Variants in XIRP2 observed in about 807,000 individuals in gnomAD.
XIRP2 encodes the protein xin actin binding repeat containing 2, also known as xin actin-binding repeat-containing protein 2.
A neutral mutation model predicts 277.0 loss-of-function variants in XIRP2; 236 were observed. That is an observed-to-expected ratio of 0.85 (90% CI 0.77 to 0.95). The LOEUF is 0.95. XIRP2 is among the 40% of genes least tolerant of loss of function. The pLI is 0.00. For synonymous variants in XIRP2, 1,490 were observed against 1,416.5 expected, an observed-to-expected ratio of 1.05 and a Z score of -1.17; for missense variants, 4,640 against 4,157.5, an observed-to-expected ratio of 1.12 and a Z score of -3.19.
At chr2:167,239,244 C>T (rs1163497908) in intron 5 of XIRP2, among the ~76,000 whole-genome samples, 1 of 152,046 alleles carries the variant, frequency 6.6e-6, no homozygotes, top group Non-Finnish European at 1.5e-5. Flanking sequence ...GGTAATACAT[C>T]ATTAACATTT....
chr2:167,086,062 A>G (rs2105268522), intron 2 of XIRP2, among the ~76,000 whole-genome samples: 1 of 151,728 alleles, frequency 6.6e-6, no homozygotes, highest in East Asian at 2.0e-4. Context: ...TTTTGGCATG[A>G]TTTTGCAGCA....
intron 2 of XIRP2, among the ~76,000 whole-genome samples, chr2:166,940,775 G>A (rs1685684120): frequency 6.6e-6 from 1 of 152,186 alleles, no homozygotes; most frequent in South Asian, 2.1e-4. Context: ...TTGCTGAACA[G>A]CAAATGTTGC....
intron 1 of XIRP2, among the ~76,000 whole-genome samples, chr2:166,902,465 C>A (rs192553622): frequency 4.6e-5 from 7 of 152,114 alleles, no homozygotes; most frequent in Non-Finnish European, 1.0e-4. Context: ...GTTTACCAGA[C>A]CCACTGTGCT....
chr2:167,019,811 G>T (rs1042711812), intron 2 of XIRP2, among the ~76,000 whole-genome samples: 1 of 151,994 alleles, frequency 6.6e-6, no homozygotes, highest in African/African-American at 2.4e-5. Context: ...AATTCCTCAA[G>T]TTGTTACACT....
intron 3 of XIRP2, among the ~76,000 whole-genome samples, chr2:167,143,795 A>C (rs1048421745): frequency 3.7e-4 from 57 of 152,120 alleles, no homozygotes; most frequent in Non-Finnish European, 6.5e-4. Flanking sequence ...TAAAAAAAAA[A>C]CCACAATATT....
Position 167,130,093 on chromosome 2 carries a change from A to AC in XIRP2, c.409-5814dup, listed in dbSNP as rs567899701. On this transcript the variant is annotated intron_variant, in intron 2 of 10. Transcript: ENST00000409195. ...ATCAGCAATGACTTCTCTACCCTCC[A>AC]CCTCTTCTCCAAATACTTCTGTCAC... Among the ~76,000 whole-genome samples the AC allele has an allele frequency of 5.2e-4, 79 of 151,706 alleles. 1 individual carries two copies. The highest frequency in any genetic ancestry group is 1.1e-3 in the Admixed American group (16 of 15,202).
chr2:167,102,238 C>A (rs910413436), intron 2 of XIRP2, among the ~76,000 whole-genome samples: 1 of 152,068 alleles, frequency 6.6e-6, no homozygotes, highest in Admixed American at 6.6e-5. Flanking sequence ...AATCAGAGAC[C>A]AGGAGGCGCA....
At chr2:167,181,372 GT>G (rs1693003973) in intron 3 of XIRP2, among the ~76,000 whole-genome samples, 1 of 152,086 alleles carries the variant, frequency 6.6e-6, no homozygotes. Flanking sequence ...TGTGATTCAC[GT>G]TTGTTGCTCA....
chr2:167,087,618 A>C (rs1689999491), intron 2 of XIRP2, among the ~76,000 whole-genome samples: 1 of 152,122 alleles, frequency 6.6e-6, no homozygotes, highest in Non-Finnish European at 1.5e-5. Flanking sequence ...GGACCCTCCG[A>C]GCCAGGTGCG....
intron 3 of XIRP2, among the ~76,000 whole-genome samples, chr2:167,207,564 A>G (rs563836057): frequency 6.6e-6 from 1 of 152,316 alleles, no homozygotes; most frequent in African/African-American, 2.4e-5. Flanking sequence ...TGGACTCTCC[A>G]TAGAAAGTAA....
chr2:167,202,922 T>C (rs1182578292), intron 3 of XIRP2, among the ~76,000 whole-genome samples: 1 of 152,184 alleles, frequency 6.6e-6, no homozygotes, highest in African/African-American at 2.4e-5. Flanking sequence ...AGAAGCTGCC[T>C]GTATTCCTTG....
intron 2 of XIRP2, among the ~76,000 whole-genome samples, chr2:166,975,475 G>A (rs562137771): frequency 1.3e-5 from 2 of 152,126 alleles, no homozygotes; most frequent in African/African-American, 2.4e-5. Context: ...GCGATAGAGC[G>A]AGACTCCTTC....
At chr2:166,948,133 G>A (rs528319847) in intron 2 of XIRP2, among the ~76,000 whole-genome samples, 2 of 152,168 alleles carry the variant, frequency 1.3e-5, no homozygotes, top group East Asian at 1.9e-4. Flanking sequence ...ATAGTATAAC[G>A]GTGGATTCAT....
intron 2 of XIRP2, among the ~76,000 whole-genome samples, chr2:166,966,988 G>T (rs991331711): frequency 1.3e-5 from 2 of 151,888 alleles, no homozygotes; most frequent in Middle Eastern, 3.2e-3. Flanking sequence ...CAGGAGATTT[G>T]TAGGCACCCC....
At chr2:167,081,071 T>A (rs1689715362) in intron 2 of XIRP2, among the ~76,000 whole-genome samples, 1 of 152,118 alleles carries the variant, frequency 6.6e-6, no homozygotes, top group East Asian at 1.9e-4. Context: ...GGGGTAATAT[T>A]TAAATTTCTA....
chr2:167,040,646 T>C (rs1688637217), intron 2 of XIRP2, among the ~76,000 whole-genome samples: 2 of 151,446 alleles, frequency 1.3e-5, no homozygotes, highest in African/African-American at 4.9e-5. Flanking sequence ...TCTCTAGGGG[T>C]TTTTAGCCTT....
chr2:167,074,743 G>C (rs931636224), intron 2 of XIRP2, among the ~76,000 whole-genome samples: 4 of 152,090 alleles, frequency 2.6e-5, no homozygotes, highest in African/African-American at 9.6e-5. Context: ...AGGCTCAAGT[G>C]ATCGTCCCAC....
rs974542889 is a variant in XIRP2 at position 166,939,380 on chromosome 2, G to T, written c.408+35490G>T. On this transcript the variant is annotated intron_variant, in intron 2 of 10. Transcript: ENST00000409195. ...TAGTTTGGCTTGATATGAAATTCTG[G>T]GTTGAAAATTCTTTTCTTGGGCTGG... is the stretch of plus-strand genomic sequence containing the variant. Among the ~76,000 whole-genome samples the T allele has an allele frequency of 8.6e-5, 13 of 152,046 alleles. No individual in the cohort carries two copies. The East Asian group carries it at 2.3e-3, about 27-fold the overall frequency.
rs1687758105 is a variant in XIRP2 at position 167,014,106 on chromosome 2, C to G, written c.408+110216C>G. On this transcript the variant is annotated intron_variant, in intron 2 of 10. Transcript: ENST00000409195. ...CTATTTGCATAGAAATAATGATGCT[C>G]TTATCCCCCTCTTTTTATTGGTTTA... is the stretch of plus-strand genomic sequence containing the variant. Among the ~76,000 whole-genome samples the G allele has an allele frequency of 2.0e-5, 3 of 151,538 alleles. No homozygotes were observed. In the South Asian group the frequency reaches 6.2e-4, roughly 31 times the overall value.
Sources: gnomAD v4.1 joint callset for allele counts (sites outside exome capture counted in the v4.1 genomes callset) on GRCh38, gnomAD v4.1.1 for gene constraint, MANE v1.5 for transcripts, NCBI Gene and HGNC (gene_info 2026-07-23, HGNC 2026-07-21) for gene names.